The following STXBP5L variants were observed in gnomAD, a reference collection of about 807,000 sequenced individuals.
The protein encoded by STXBP5L is syntaxin-binding protein 5-like.
In STXBP5L, 65 loss-of-function variants were observed where a neutral mutation model predicts 144.5. The observed-to-expected ratio is 0.45, with a 90% CI of 0.37 to 0.55. The LOEUF (loss-of-function observed/expected upper bound fraction) is 0.55, where lower values mean the gene tolerates loss of function less well. STXBP5L is among the 20% of genes least tolerant of loss of function. STXBP5L has a pLI of 0.00. For synonymous variants in STXBP5L, 505 were observed against 469.6 expected (o/e 1.08, Z -0.97); for missense variants, 1,298 against 1,405.5 (o/e 0.92, Z 1.22).
chr3:121,343,126 T>G (rs2044791959), intron 20 of STXBP5L, among the ~76,000 whole-genome samples: 1 of 152,224 alleles, frequency 6.6e-6, no homozygotes, highest in South Asian at 2.1e-4. Context: ...CCTGTGTTTT[T>G]TGGCTGCATA....
At chr3:121,331,419 A>C (rs1233431099) in intron 20 of STXBP5L, among the ~76,000 whole-genome samples, 1 of 152,232 alleles carries the variant, frequency 6.6e-6, no homozygotes, top group Non-Finnish European at 1.5e-5. Context: ...GCTTTTCCAC[A>C]GAAGGAGCAT....
intron 5 of STXBP5L, among the ~76,000 whole-genome samples, chr3:121,048,120 G>A (rs1199414808): frequency 6.6e-6 from 1 of 152,098 alleles, no homozygotes; most frequent in East Asian, 1.9e-4. Flanking sequence ...TAGTTTGGCT[G>A]GATATGAAAT....
chr3:121,316,162 A>G (rs1421359157), intron 19 of STXBP5L, among the ~76,000 whole-genome samples: 2 of 152,188 alleles, frequency 1.3e-5, no homozygotes, highest in Non-Finnish European at 2.9e-5. Context: ...GTTCTGAATA[A>G]CTATATAGTA....
intron 20 of STXBP5L, among the ~76,000 whole-genome samples, chr3:121,348,304 A>G (rs965237436): frequency 1.1e-4 from 16 of 152,268 alleles, no homozygotes; most frequent in African/African-American, 3.6e-4. Flanking sequence ...CCAGGGATGA[A>G]GTCCACTTGA....
At chr3:121,276,176 T>C (rs1464031182) in intron 18 of STXBP5L, among the ~76,000 whole-genome samples, 1 of 65,318 alleles carries the variant, frequency 1.5e-5, no homozygotes, top group East Asian at 1.5e-3. Context: ...TATACTTCTT[T>C]TAGTTTTTTG....
chr3:121,012,354 G>A (rs557674592), intron 3 of STXBP5L, among the ~76,000 whole-genome samples: 5 of 151,886 alleles, frequency 3.3e-5, no homozygotes, highest in African/African-American at 1.2e-4. Flanking sequence ...GCATCATGTG[G>A]TAACTCTATG....
intron 21 of STXBP5L, 58 bp downstream of exon 21, chr3:121,378,944 T>C: frequency 6.5e-7 from 1 of 1,533,934 alleles, no homozygotes; most frequent in Non-Finnish European, 8.9e-7. Flanking sequence ...ACAATGGTAA[T>C]GGGAACAGAG....
At chr3:121,254,683 A>G (rs2050148197) in intron 15 of STXBP5L, among the ~76,000 whole-genome samples, 1 of 152,190 alleles carries the variant, frequency 6.6e-6, no homozygotes, top group Non-Finnish European at 1.5e-5. Context: ...TGTAGTATAT[A>G]TTCAAGGAAT....
intron 5 of STXBP5L, among the ~76,000 whole-genome samples, chr3:121,061,623 A>G (rs1307827445): frequency 6.6e-6 from 1 of 152,184 alleles, no homozygotes; most frequent in African/African-American, 2.4e-5. Context: ...GTAGGTCTCT[A>G]AGAACTTGCC....
intron 3 of STXBP5L, among the ~76,000 whole-genome samples, chr3:121,019,599 T>C (rs552843295): frequency 5.9e-5 from 9 of 152,244 alleles, no homozygotes; most frequent in Admixed American, 1.3e-4. Context: ...CACAGGACTC[T>C]TTGCAGACAC....
chr3:121,333,551 A>G (rs1188746030), intron 20 of STXBP5L, among the ~76,000 whole-genome samples: 2 of 146,888 alleles, frequency 1.4e-5, no homozygotes, highest in Non-Finnish European at 3.0e-5. Flanking sequence ...ATTGGGACAC[A>G]CACACAAAAA....
chr3:121,048,456 C>T (rs1269943972), intron 5 of STXBP5L, among the ~76,000 whole-genome samples: 2 of 152,120 alleles, frequency 1.3e-5, no homozygotes, highest in African/African-American at 4.8e-5. Flanking sequence ...GTTGCTTGCT[C>T]TCTCCTTATC....
intron 5 of STXBP5L, among the ~76,000 whole-genome samples, chr3:121,086,997 A>G (rs1447297483): frequency 1.3e-5 from 2 of 151,952 alleles, no homozygotes; most frequent in Admixed American, 6.6e-5. Flanking sequence ...ATTTTATTGT[A>G]TCTTTCTTTT....
chr3:120,981,944 T>C (rs142861867), intron 3 of STXBP5L, among the ~76,000 whole-genome samples: 2 of 152,324 alleles, frequency 1.3e-5, no homozygotes, highest in Non-Finnish European at 2.9e-5. Context: ...ATGAGTTCCT[T>C]GGTTATAGAT....
intron 19 of STXBP5L, among the ~76,000 whole-genome samples, chr3:121,294,352 G>A (rs2051564341): frequency 6.6e-6 from 1 of 152,212 alleles, no homozygotes; most frequent in Admixed American, 6.5e-5. Context: ...GCCACTTATT[G>A]TCATGATATT....
intron 9 of STXBP5L, among the ~76,000 whole-genome samples, chr3:121,201,446 A>T (rs1291112554): frequency 6.6e-6 from 1 of 152,186 alleles, no homozygotes. Flanking sequence ...CAGCACATCG[A>T]TGGGTCTTGA....
intron 5 of STXBP5L, among the ~76,000 whole-genome samples, chr3:121,086,795 C>A (rs1170958871): frequency 6.6e-6 from 1 of 151,976 alleles, no homozygotes; most frequent in African/African-American, 2.4e-5. Flanking sequence ...GGATACTCAA[C>A]CTGTACCATG....
intron 3 of STXBP5L, among the ~76,000 whole-genome samples, chr3:120,974,686 T>G (rs948636311): frequency 3.9e-5 from 6 of 152,242 alleles, no homozygotes; most frequent in Admixed American, 2.0e-4. Flanking sequence ...GTCTGACGTT[T>G]AAGTCTTTAA....
chr3:121,270,670 C>T (rs1374374570), intron 18 of STXBP5L, among the ~76,000 whole-genome samples: 1 of 152,144 alleles, frequency 6.6e-6, no homozygotes, highest in African/African-American at 2.4e-5. Flanking sequence ...CCAGGCTGGC[C>T]TTGAACTCCT....
Sources: allele counts gnomAD v4.1 joint callset (sites outside exome capture counted in the v4.1 genomes callset), GRCh38; gene constraint gnomAD v4.1.1; transcripts MANE v1.5; gene names NCBI Gene and HGNC (gene_info 2026-07-23, HGNC 2026-07-21).